METTL2A: variants seen among roughly 807,000 people sequenced by gnomAD.
METTL2A encodes the protein tRNA N(3)-cytidine methyltransferase METTL2A.
A neutral mutation model predicts 49.4 loss-of-function variants in METTL2A; 45 were observed. The ratio of observed to expected loss-of-function variants is 0.91; its 90% confidence interval spans 0.72 to 1.17. The LOEUF (loss-of-function observed/expected upper bound fraction) is 1.17. Ranked by LOEUF, METTL2A falls within the 50% of genes most tolerant of loss-of-function variation. The pLI is 0.00. For missense variants in METTL2A, 361 were observed against 462.2 expected (o/e 0.78, Z 2.01); for synonymous variants, 118 against 167.5 (o/e 0.70, Z 2.28).
At chr17:62,443,143 T>G (rs1448341879) in intron 6 of METTL2A, among the ~76,000 whole-genome samples, 1 of 151,802 alleles carries the variant, frequency 6.6e-6, no homozygotes, top group Non-Finnish European at 1.5e-5. Flanking sequence ...GAGGCTGAGG[T>G]GGGAGGAGTG....
At chr17:62,447,145 A>C (rs771886754) in intron 7 of METTL2A, among the ~76,000 whole-genome samples, 7 of 152,144 alleles carry the variant, frequency 4.6e-5, no homozygotes, top group Non-Finnish European at 8.8e-5. Flanking sequence ...TAGGCCAGGC[A>C]CGGTGGCTCA....
rs905028987 is a variant in METTL2A, at chr17:62,424,101, C to G, written c.110+89C>G. 15 of 1,580,120 alleles carry G rather than the reference C, an allele frequency of 9.5e-6. No individual in the cohort carries two copies. In the Admixed American group the frequency reaches 1.7e-4, roughly 18 times the overall value. Reference sequence around the variant, plus strand: ...CCGAAAAGCCCCTGACCGCCGGCCACGAGTCAAGCTGCCCTACCCGAGGCA... The same window carrying G: ...CCGAAAAGCCCCTGACCGCCGGCCAGGAGTCAAGCTGCCCTACCCGAGGCA... On this transcript the variant is annotated intron_variant, in intron 1 of 8. Transcript: ENST00000311506.
At position 62,425,389 on chromosome 17, in the gene METTL2A, C is replaced by CTTTTT. The variant is rs746253160; in HGVS notation, c.203-899_203-895dup. On this transcript the variant is annotated intron_variant, in intron 2 of 8. Coordinates refer to ENST00000311506, the MANE Select transcript of METTL2A (RefSeq NM_181725.4). ...ACAGCCTTCATTTAAACTGTCCATA[C>CTTTTT]TTTTTTTTTTTTTTTGGAGATGGAG... Among the ~76,000 whole-genome samples the CTTTTT allele has an allele frequency of 6.4e-5, 5 of 78,218 alleles. 1 individual carries two copies. Among genetic ancestry groups the CTTTTT allele is most frequent in the African/African-American group, 5.2e-5 (1 of 19,174 alleles). 51.3% of individuals were successfully genotyped at this position (78,218 alleles called of 152,430 possible). A position where few individuals can be genotyped will look rare whatever the true frequency, so the allele number is the denominator to read the frequency against.
chr17:62,440,757 G>A lies in METTL2A; in HGVS notation c.809+1G>A, dbSNP rs1189699691. ...TTCTTTCAGCAATTGTTCCAGACAA[G>A]TAAGTTTGGGTCCCTTGGCTGGTAG... On this transcript the variant is annotated splice_donor_variant, in intron 6 of 8. Transcript: ENST00000311506. LOFTEE classifies it high-confidence loss of function. 3 of 1,612,228 alleles carry A rather than the reference G, an allele frequency of 1.9e-6. No individual in the cohort carries two copies. Among genetic ancestry groups the A allele is most frequent in the Non-Finnish European group, 2.5e-6 (3 of 1,179,600 alleles).
At chr17:62,425,219 C>T (rs2070615409) in intron 2 of METTL2A, among the ~76,000 whole-genome samples, 2 of 151,574 alleles carry the variant, frequency 1.3e-5, no homozygotes. Flanking sequence ...GAGTTGTTAA[C>T]ACACTTCTTA....
Position 62,426,491 on chromosome 17 carries a change from G to A in METTL2A, c.395G>A (p.Gly132Glu). ...CCTGAATGTAGAAACAATGAGGATG[G>A]ACCTGGTTTAATAATGGAAGAACAG... ...EVPECRNNEDGPGLIMEEQHK... is the reference protein window; with the variant it reads ...EVPECRNNEDEPGLIMEEQHK... Residue 132 changes from glycine (G) to glutamate (E), a missense_variant, in exon 3 of 9, where the codon GGA becomes GAA. By Grantham distance (98) the Gly-to-Glu change is moderately conservative. Transcript: ENST00000311506. 1 of 1,613,804 alleles carries A rather than the reference G, an allele frequency of 6.2e-7. No homozygotes were observed. The highest frequency in any genetic ancestry group is 8.5e-7 in the Non-Finnish European group (1 of 1,179,936).
At chr17:62,434,365 G>A (rs2070686549) in intron 4 of METTL2A, among the ~76,000 whole-genome samples, 1 of 152,124 alleles carries the variant, frequency 6.6e-6, no homozygotes, top group African/African-American at 2.4e-5. Context: ...CAGTTCAGCA[G>A]GAAGCAGAGC....
At chr17:62,437,191 G>A (rs149696387) in intron 5 of METTL2A, among the ~76,000 whole-genome samples, 26 of 145,766 alleles carry the variant, frequency 1.8e-4, no homozygotes, top group Admixed American at 4.9e-4. Flanking sequence ...GGCTGAAGTA[G>A]AGTGACACAA....
At position 62,449,413 on chromosome 17, in the gene METTL2A, G is replaced by A. The variant is rs1213748702; in HGVS notation, c.*684G>A. The A allele has an allele frequency of 1.3e-5, 6 of 452,332 alleles. No homozygotes were observed. Among genetic ancestry groups the A allele is most frequent in the African/African-American group, 6.0e-5 (3 of 49,734 alleles). The allele number at this position is 452,332 out of a possible 1,614,324, so 28.0% of individuals were successfully genotyped here. On this transcript the variant is annotated 3_prime_UTR_variant, in exon 9 of 9. Coordinates refer to ENST00000311506, the MANE Select transcript of METTL2A (RefSeq NM_181725.4). ...TGTTAAGTAATTGATCGTGGTCTTC[G>A]CTTTAATCTTAGTTCCGCCAGGCAC...
chr17:62,438,407 CA>C (rs1232215588), intron 5 of METTL2A, among the ~76,000 whole-genome samples: 1,457 of 108,546 alleles, frequency 0.013, 13 homozygotes, highest in African/African-American at 0.03. Flanking sequence ...AACTCCATCT[CA>C]AAAAAAAAAA....
At chr17:62,434,681 G>A (rs2070689175) in intron 4 of METTL2A, among the ~76,000 whole-genome samples, 1 of 152,156 alleles carries the variant, frequency 6.6e-6, no homozygotes, top group African/African-American at 2.4e-5. Flanking sequence ...TAGATAGTGA[G>A]GATACCAAGA....
chr17:62,445,497 TA>T, intron 7 of METTL2A, among the ~76,000 whole-genome samples: 1 of 152,180 alleles, frequency 6.6e-6, no homozygotes, highest in Non-Finnish European at 1.5e-5. Context: ...GAGCTTTTAT[TA>T]GAAAGACATT....
intron 5 of METTL2A, among the ~76,000 whole-genome samples, chr17:62,438,188 T>G (rs1181269640): frequency 3.3e-5 from 5 of 151,858 alleles, no homozygotes; most frequent in Non-Finnish European, 7.4e-5. Context: ...GGGCAGATCA[T>G]CTGAGGTCAA....
At position 62,450,087 on chromosome 17, in the gene METTL2A, C is replaced by T. The variant is rs1288771196; in HGVS notation, c.*1358C>T. ...CCAGCCTGGGCAACAGAGGAAGACT[C>T]CGTCTCAAAAAAAAAAAAGAAAAGA... On this transcript the variant is annotated 3_prime_UTR_variant, in exon 9 of 9. Transcript: ENST00000311506. 6.6e-6 allele frequency: 1 copy of T among 150,396 alleles called. No homozygotes were observed. Among genetic ancestry groups the T allele is most frequent in the Non-Finnish European group, 1.5e-5 (1 of 67,808 alleles). 9.3% of individuals were successfully genotyped at this position (150,396 alleles called of 1,614,324 possible).
In METTL2A at chr17:62,423,979, G is replaced by C. The variant is rs772785391; in HGVS notation, c.77G>C (p.Arg26Thr). The change falls in exon 1 of 9, where the codon AGA (arginine) becomes ACA (threonine). Residue 26 changes from arginine (R) to threonine (T), a missense_variant. Arg to Thr is a moderately conservative substitution (Grantham distance 71). This residue lies in a region of METTL2A where 150 missense variants were observed against 170.1 expected (regional missense o/e 0.88). Transcript: ENST00000311506. Reference sequence around the variant, plus strand: ...CAGCAGTTCGGAAGCCGGTTCCTGAGAGATCCGGCGCGCGTCTTCCACCAC... The same window carrying C: ...CAGCAGTTCGGAAGCCGGTTCCTGACAGATCCGGCGCGCGTCTTCCACCAC... Reference protein sequence around the residue: ...KRQQFGSRFLRDPARVFHHNA... With the variant: ...KRQQFGSRFLTDPARVFHHNA... The C allele has an allele frequency of 1.6e-5, 26 of 1,614,038 alleles. No individual in the cohort carries two copies. The highest frequency in any genetic ancestry group is 2.1e-5 in the Non-Finnish European group (25 of 1,180,010).
intron 4 of METTL2A, among the ~76,000 whole-genome samples, chr17:62,432,498 G>A (rs1331637629): frequency 2.0e-5 from 3 of 152,000 alleles, no homozygotes; most frequent in African/African-American, 7.2e-5. Flanking sequence ...GTGAGACCCT[G>A]TCTCTACAAA....
chr17:62,436,712 G>A (rs1405861005), intron 5 of METTL2A, among the ~76,000 whole-genome samples: 4 of 152,148 alleles, frequency 2.6e-5, no homozygotes, highest in Non-Finnish European at 4.4e-5. Context: ...TGGGGTGGTC[G>A]TTGCTAAGGG....
chr17:62,424,002 C>T lies in METTL2A; in HGVS notation c.100C>T (p.His34Tyr). The change falls in exon 1 of 9, where the codon CAC becomes TAC. Residue 34 changes from histidine (H) to tyrosine (Y), a missense_variant. Transcript: ENST00000311506. ...FLRDPARVFHHNAWDNVEWSE... is the reference protein window; with the variant it reads ...FLRDPARVFHYNAWDNVEWSE... ...GAGAGATCCGGCGCGCGTCTTCCAC[C>T]ACAATGCCTGGTAATCACTCTGCCC... 1 of 1,613,930 alleles carries T rather than the reference C, an allele frequency of 6.2e-7. No individual in the cohort carries two copies. The highest frequency in any genetic ancestry group is 8.5e-7 in the Non-Finnish European group (1 of 1,179,970).
Position 62,426,458 on chromosome 17 carries a change from G to T in METTL2A, c.362G>T (p.Ser121Ile). 6.2e-7 allele frequency: 1 copy of T among 1,614,174 alleles called. No individual in the cohort carries two copies. The part of the protein sequence containing the change: ...HLKDWFLENK[S>I]EVPECRNNED... The stretch of plus-strand genomic sequence containing the variant: ...AAGGACTGGTTCTTGGAGAACAAGA[G>T]TGAAGTACCTGAATGTAGAAACAAT... Residue 121 changes from serine (S) to isoleucine (I), a missense_variant, in exon 3 of 9, where the codon AGT (serine) becomes ATT (isoleucine). Coordinates refer to ENST00000311506, the MANE Select transcript of METTL2A (RefSeq NM_181725.4).
Sources: gnomAD v4.1 joint callset for allele counts (sites outside exome capture counted in the v4.1 genomes callset) on GRCh38, gnomAD v4.1.1 for gene constraint, gnomAD v4.1.1 regional missense constraint, MANE v1.5 for transcripts, NCBI Gene and HGNC (gene_info 2026-07-23, HGNC 2026-07-21) for gene names.